The following GRB14 variants were observed in gnomAD, a reference collection of about 807,000 sequenced individuals.
The protein encoded by GRB14 is growth factor receptor-bound protein 14.
In GRB14, 38 loss-of-function variants were observed where a neutral mutation model predicts 69.1. The observed-to-expected ratio is 0.55, with a 90% CI of 0.42 to 0.72. The LOEUF (loss-of-function observed/expected upper bound fraction) is 0.72, where lower values mean the gene tolerates loss of function less well. Among genes scored for constraint, GRB14 ranks in the 30% least tolerant of loss-of-function variants. The pLI is 0.00. For missense variants in GRB14, 666 were observed against 666.1 expected, an observed-to-expected ratio of 1.00 and a Z score of 0.00; for synonymous variants, 247 against 241.3, an observed-to-expected ratio of 1.02 and a Z score of -0.22.
chr2:164,526,403 T>G (rs1687774571), intron 4 of GRB14, among the ~76,000 whole-genome samples: 1 of 152,036 alleles, frequency 6.6e-6, no homozygotes, highest in Non-Finnish European at 1.5e-5. Flanking sequence ...TATTTTCTTT[T>G]AAAGAGAACT....
intron 12 of GRB14, among the ~76,000 whole-genome samples, chr2:164,496,554 T>C (rs1686900892): frequency 6.6e-6 from 1 of 152,122 alleles, no homozygotes; most frequent in South Asian, 2.1e-4. Flanking sequence ...AAATAAGTGT[T>C]CAAAACACTT....
At chr2:164,579,462 T>C (rs1320069364) in intron 2 of GRB14, among the ~76,000 whole-genome samples, 1 of 151,742 alleles carries the variant, frequency 6.6e-6, no homozygotes, top group Non-Finnish European at 1.5e-5. Context: ...GGTGGGAACC[T>C]ACCCTGGCCA....
chr2:164,508,365 G>A (rs944019773), intron 8 of GRB14, 90 bp downstream of exon 8: 2 of 992,782 alleles, frequency 2.0e-6, no homozygotes, highest in Non-Finnish European at 1.6e-6. Context: ...TAGCCACCCA[G>A]TGAGACTTCA....
intron 2 of GRB14, among the ~76,000 whole-genome samples, chr2:164,608,287 G>A (rs574592944): frequency 2.6e-5 from 4 of 151,898 alleles, no homozygotes; most frequent in East Asian, 1.9e-4. Context: ...CAGGAGAATC[G>A]CTTGAACCCA....
intron 1 of GRB14, 93 bp from the exon 2 acceptor site, chr2:164,619,912 T>C: frequency 1.0e-6 from 1 of 1,002,684 alleles, no homozygotes; most frequent in South Asian, 1.4e-5. Context: ...GGCGAACATG[T>C]ACCACTCTGT....
At chr2:164,576,395 T>A (rs1296840590) in intron 2 of GRB14, among the ~76,000 whole-genome samples, 1 of 151,222 alleles carries the variant, frequency 6.6e-6, no homozygotes, top group African/African-American at 2.4e-5. Flanking sequence ...TCCCTTCTGT[T>A]TAAGAAATTG....
chr2:164,591,389 C>G (rs1186708242), intron 2 of GRB14, among the ~76,000 whole-genome samples: 1 of 152,096 alleles, frequency 6.6e-6, no homozygotes. Flanking sequence ...ATCCCCCAAC[C>G]AATAACACCT....
chr2:164,554,784 C>T (rs904119004), intron 2 of GRB14, among the ~76,000 whole-genome samples: 10 of 151,994 alleles, frequency 6.6e-5, no homozygotes, highest in African/African-American at 2.2e-4. Flanking sequence ...CATGTTTATA[C>T]ACTTTACACA....
At chr2:164,518,056 G>A (rs1440318163) in intron 6 of GRB14, among the ~76,000 whole-genome samples, 3 of 152,046 alleles carry the variant, frequency 2.0e-5, no homozygotes, top group Admixed American at 2.0e-4. Flanking sequence ...CCCAACAACT[G>A]CAGAATATAC....
chr2:164,513,868 CA>C (rs1687407155), intron 6 of GRB14, among the ~76,000 whole-genome samples: 2 of 152,136 alleles, frequency 1.3e-5, no homozygotes, highest in African/African-American at 4.8e-5. Flanking sequence ...TAAAAATTCT[CA>C]AAAGAATTTT....
intron 2 of GRB14, among the ~76,000 whole-genome samples, chr2:164,600,768 T>C (rs1689895752): frequency 6.6e-6 from 1 of 152,182 alleles, no homozygotes; most frequent in Non-Finnish European, 1.5e-5. Context: ...TATTAATTTC[T>C]TTTTTTAAAT....
At position 164,522,007 on chromosome 2, in the gene GRB14, T is replaced by C. The variant is rs1307630861; in HGVS notation, c.789A>G (p.Leu263=). Reference sequence around the variant, plus strand: ...TTGATGTTCCTTTAGTAGAAAAATATAAACCAGATCTTCTTAGAAAAAAGT... The same window carrying C: ...TTGATGTTCCTTTAGTAGAAAAATACAAACCAGATCTTCTTAGAAAAAAGT... The part of the protein sequence containing the change: ...KIYFFLRRSG[L]YFSTKGTSKE... The change falls in exon 6 of 14, where the codon TTA becomes TTG. Residue 263 remains leucine (L), a synonymous_variant. Coordinates refer to ENST00000263915, the MANE Select transcript of GRB14 (RefSeq NM_004490.3). 2 of 1,603,354 alleles carry C rather than the reference T, an allele frequency of 1.2e-6. No individual in the cohort carries two copies. Among genetic ancestry groups the C allele is most frequent in the Non-Finnish European group, 1.7e-6 (2 of 1,172,540 alleles).
At chr2:164,516,830 C>A (rs952547111) in intron 6 of GRB14, among the ~76,000 whole-genome samples, 1 of 152,122 alleles carries the variant, frequency 6.6e-6, no homozygotes, top group African/African-American at 2.4e-5. Context: ...TCGAGACCAG[C>A]CTGGCTAACA....
intron 2 of GRB14, among the ~76,000 whole-genome samples, chr2:164,594,071 G>A: frequency 6.6e-6 from 1 of 152,002 alleles, no homozygotes. Context: ...GGGAGAAGGG[G>A]AGTCTATTCA....
chr2:164,573,659 T>C, intron 2 of GRB14: 2 of 1,572,520 alleles, frequency 1.3e-6, no homozygotes, highest in South Asian at 1.2e-5. Context: ...TCTTTATGGT[T>C]CTTCAGTAGA....
intron 2 of GRB14, among the ~76,000 whole-genome samples, chr2:164,585,085 CTTTTTTTTTTTTTTTTTTTTTTT>C (rs146962375): frequency 5.6e-3 from 305 of 54,374 alleles, no homozygotes; most frequent in South Asian, 8.5e-3. Flanking sequence ...CCATGCCTGG[CTTTTTTTTTTTTTTTTTTTTTTT>C]TTTTTTTTTT....
At chr2:164,509,879 C>T (rs1001214968) in intron 6 of GRB14, among the ~76,000 whole-genome samples, 4 of 150,296 alleles carry the variant, frequency 2.7e-5, no homozygotes, top group Non-Finnish European at 5.9e-5. Context: ...CCAAAAGAAT[C>T]TTTCATTGTC....
chr2:164,551,554 C>A (rs1688538401), intron 2 of GRB14, among the ~76,000 whole-genome samples: 1 of 152,098 alleles, frequency 6.6e-6, no homozygotes, highest in Non-Finnish European at 1.5e-5. Context: ...TGGAATAGAT[C>A]ACTATGTGAC....
chr2:164,495,932 A>G (rs1048624195), intron 12 of GRB14, among the ~76,000 whole-genome samples: 1 of 152,250 alleles, frequency 6.6e-6, no homozygotes, highest in African/African-American at 2.4e-5. Context: ...GGGCTCAGAA[A>G]TAAAGAAAAT....
Sources: gnomAD v4.1 joint callset for allele counts (sites outside exome capture counted in the v4.1 genomes callset) on GRCh38, gnomAD v4.1.1 for gene constraint, MANE v1.5 for transcripts, NCBI Gene and HGNC (gene_info 2026-07-23, HGNC 2026-07-21) for gene names.